STAMBP: variants seen among roughly 807,000 people sequenced by gnomAD.
STAMBP encodes STAM-binding protein.
A neutral mutation model predicts 50.7 loss-of-function variants in STAMBP; 31 were observed. The ratio of observed to expected loss-of-function variants is 0.61; its 90% CI spans 0.46 to 0.83. The LOEUF (loss-of-function observed/expected upper bound fraction) is 0.83. Ranked by LOEUF, STAMBP falls within the 40% of genes least tolerant of loss-of-function variation. STAMBP has a pLI of 0.00. For synonymous variants in STAMBP, 211 were observed against 192.4 expected, an observed-to-expected ratio of 1.10 and a Z score of -0.80; for missense variants, 472 against 518.9, an observed-to-expected ratio of 0.91 and a Z score of 0.88.
intron 2 of STAMBP, among the ~76,000 whole-genome samples, chr2:73,834,139 A>C (rs1222685414): frequency 4.2e-5 from 6 of 143,830 alleles, no homozygotes. Context: ...TGAACTCAGG[A>C]AGTGGAGGTT....
At chr2:73,844,636 C>G in intron 2 of STAMBP, 177 bp from the exon 3 acceptor site, 1 of 463,446 alleles carries the variant, frequency 2.2e-6, no homozygotes, top group Middle Eastern at 3.3e-4. Flanking sequence ...GACTCTGGCT[C>G]TTTAGGGGGA....
Position 73,847,768 on chromosome 2 carries a change from T to G in STAMBP, c.742+15T>G. The G allele has an allele frequency of 6.2e-7, 1 of 1,605,688 alleles. No individual in the cohort carries two copies. Among genetic ancestry groups the G allele is most frequent in the Non-Finnish European group, 8.5e-7 (1 of 1,176,610 alleles). On this transcript the variant is annotated intron_variant, in intron 5 of 9. Transcript: ENST00000394070. Reference sequence around the variant, plus strand: ...CTCAGAAAGTAGTAAGTGCATTTGCTGATGTCCTCTTCCTTCTCAGTTGCA... The same window carrying G: ...CTCAGAAAGTAGTAAGTGCATTTGCGGATGTCCTCTTCCTTCTCAGTTGCA...
chr2:73,871,427 A>G (rs1225329930), downstream of STAMBP, among the ~76,000 whole-genome samples: 1 of 151,934 alleles, frequency 6.6e-6, no homozygotes, highest in African/African-American at 2.4e-5. Context: ...GGGTGCCTGC[A>G]ATCCCAGCTA....
At chr2:73,859,537 A>G (rs1236178659) in intron 8 of STAMBP, among the ~76,000 whole-genome samples, 171 bp downstream of exon 8, 2 of 152,194 alleles carry the variant, frequency 1.3e-5, no homozygotes, top group Non-Finnish European at 2.9e-5. Flanking sequence ...TGATTTATCT[A>G]TCATGCTTGT....
Position 73,864,585 on chromosome 2 carries a change from G to A in STAMBP, c.*2326G>A, listed in dbSNP as rs1160485536. ...CGGGAAAAGAGGAAAGGAATACTGT[G>A]GGTAAAAGGGACAAAGACCACGCAA... is the stretch of plus-strand genomic sequence containing the variant. On this transcript the variant is annotated 3_prime_UTR_variant, in exon 10 of 10. Coordinates refer to ENST00000394070, the MANE Select transcript of STAMBP (RefSeq NM_213622.4). 1 of 152,360 alleles carries A rather than the reference G, an allele frequency of 6.6e-6. No homozygotes were observed. Among genetic ancestry groups the A allele is most frequent in the Non-Finnish European group, 1.5e-5 (1 of 68,186 alleles). The allele number at this position is 152,360 out of a possible 1,614,324, so 9.4% of individuals were successfully genotyped here.
At chr2:73,835,042 G>T (rs1391216516) in intron 2 of STAMBP, among the ~76,000 whole-genome samples, 1 of 152,108 alleles carries the variant, frequency 6.6e-6, no homozygotes, top group Admixed American at 6.5e-5. Context: ...AGTTTTAAGT[G>T]GGATTCAGAC....
intron 2 of STAMBP, among the ~76,000 whole-genome samples, chr2:73,842,469 C>G (rs946516579): frequency 6.6e-6 from 1 of 152,186 alleles, no homozygotes; most frequent in Non-Finnish European, 1.5e-5. Context: ...GGGATGGACT[C>G]TGGCCACCTG....
chr2:73,848,990 C>T (rs1676467778), intron 5 of STAMBP, among the ~76,000 whole-genome samples: 2 of 152,106 alleles, frequency 1.3e-5, no homozygotes, highest in South Asian at 4.1e-4. Context: ...GAAATAAGCA[C>T]ATCATGGAGA....
chr2:73,843,191 CTTTTT>C (rs34680117), intron 2 of STAMBP, among the ~76,000 whole-genome samples: 3 of 129,892 alleles, frequency 2.3e-5, no homozygotes, highest in Admixed American at 7.9e-5. Flanking sequence ...TTATATCTTT[CTTTTT>C]TTTTTTTTTT....
chr2:73,858,080 T>A (rs1677793355), intron 7 of STAMBP, among the ~76,000 whole-genome samples: 1 of 151,914 alleles, frequency 6.6e-6, no homozygotes, highest in Admixed American at 6.6e-5. Flanking sequence ...CCTCCCGGGT[T>A]CATGCTCTTC....
chr2:73,839,156 T>C (rs13428484), intron 2 of STAMBP, among the ~76,000 whole-genome samples: 3,603 of 152,312 alleles, frequency 0.024, 138 homozygotes, highest in African/African-American at 0.081. Flanking sequence ...AAGGCATGTT[T>C]GTTCCTTTTC....
At chr2:73,849,739 A>G (rs1371384234) in intron 6 of STAMBP, among the ~76,000 whole-genome samples, 1 of 152,186 alleles carries the variant, frequency 6.6e-6, no homozygotes, top group Non-Finnish European at 1.5e-5. Context: ...GTCATTATCT[A>G]CATATCAATT....
intron 2 of STAMBP, among the ~76,000 whole-genome samples, chr2:73,843,652 C>T (rs2104441518): frequency 6.6e-6 from 1 of 152,158 alleles, no homozygotes; most frequent in African/African-American, 2.4e-5. Flanking sequence ...CCTTGAGGAG[C>T]CTTATCAAGT....
chr2:73,836,282 G>C (rs1674704594), intron 2 of STAMBP, among the ~76,000 whole-genome samples: 3 of 152,366 alleles, frequency 2.0e-5, no homozygotes, highest in Non-Finnish European at 2.9e-5. Context: ...ACCTCCGAAT[G>C]GGGGCTGGGG....
intron 2 of STAMBP, among the ~76,000 whole-genome samples, chr2:73,832,946 G>T (rs1336771173): frequency 6.6e-6 from 1 of 152,222 alleles, no homozygotes; most frequent in Admixed American, 6.5e-5. Flanking sequence ...AGTGTTGCCT[G>T]TGTTAAGAGG....
At chr2:73,846,869 C>T (rs556796211) in intron 4 of STAMBP, among the ~76,000 whole-genome samples, 1 of 152,034 alleles carries the variant, frequency 6.6e-6, no homozygotes, top group East Asian at 1.9e-4. Flanking sequence ...ATTGTTTGAG[C>T]CCAGGAGTTC....
intron 4 of STAMBP, among the ~76,000 whole-genome samples, chr2:73,845,940 C>A (rs1393049776): frequency 6.6e-6 from 1 of 152,160 alleles, no homozygotes; most frequent in Admixed American, 6.5e-5. Context: ...CCATTTCAAG[C>A]TATTTTCAAA....
At chr2:73,857,597 G>C (rs1214505137) in intron 7 of STAMBP, among the ~76,000 whole-genome samples, 1 of 152,182 alleles carries the variant, frequency 6.6e-6, no homozygotes, top group Non-Finnish European at 1.5e-5. Context: ...AATGTGGTGG[G>C]TGGGTTATTT....
chr2:73,844,225 A>G (rs1167583174), intron 2 of STAMBP, among the ~76,000 whole-genome samples: 3 of 152,234 alleles, frequency 2.0e-5, no homozygotes, highest in Non-Finnish European at 4.4e-5. Context: ...TTTTCATCAA[A>G]GACAGTGCAT....
Sources: allele counts gnomAD v4.1 joint callset (sites outside exome capture counted in the v4.1 genomes callset), GRCh38; gene constraint gnomAD v4.1.1; transcripts MANE v1.5; gene names NCBI Gene and HGNC (gene_info 2026-07-23, HGNC 2026-07-21).